Variants in MRC2 observed in about 807,000 individuals in gnomAD.
MRC2 encodes mannose receptor C-type 2, also known as C-type mannose receptor 2.
In MRC2, 84 loss-of-function variants were observed where a neutral mutation model predicts 206.2. The observed-to-expected ratio is 0.41, with a 90% CI of 0.34 to 0.49. MRC2 has a LOEUF of 0.49. Among genes scored for constraint, MRC2 ranks in the 20% least tolerant of loss-of-function variants. MRC2 has a pLI of 0.31. For missense variants in MRC2, 1,676 were observed against 2,001.5 expected, an observed-to-expected ratio of 0.84 and a Z score of 3.10; for synonymous variants, 798 against 800.0, an observed-to-expected ratio of 1.00 and a Z score of 0.04.
Position 62,690,299 on chromosome 17 carries a change from C to G in MRC2, c.3886C>G (p.Gln1296Glu), listed in dbSNP as rs556669260. 62 of 1,610,066 alleles carry G rather than the reference C, an allele frequency of 3.9e-5. No individual in the cohort carries two copies. Among genetic ancestry groups the G allele is most frequent in the Non-Finnish European group, 2.5e-5 (29 of 1,177,912 alleles). ...CCACAAGGAGGCGCGACAGCGCTGC[C>G]AGAGAGGTGGGTGACCAGGCCAGAG... ...LGHKEARQRCQRAGGAVLSIL... is the reference protein window; with the variant it reads ...LGHKEARQRCERAGGAVLSIL... Residue 1296 changes from glutamine to glutamate, a missense_variant, in exon 26 of 30, where the codon CAG (glutamine) becomes GAG (glutamate). Around this residue, in one of 3 missense-constraint regions of MRC2, gnomAD observed 1,354 missense variants for 1,636.6 expected, o/e 0.83. Transcript: ENST00000303375.
intron 18 of MRC2, 89 bp from the exon 19 acceptor site, chr17:62,681,747 GC>G: frequency 9.8e-7 from 1 of 1,019,602 alleles, no homozygotes; most frequent in Non-Finnish European, 1.5e-6. Flanking sequence ...GCCCTTCCCT[GC>G]CCCCATTCCT....
At chr17:62,628,763 A>C (rs769032084) in intron 1 of MRC2, among the ~76,000 whole-genome samples, 1 of 152,198 alleles carries the variant, frequency 6.6e-6, no homozygotes, top group Non-Finnish European at 1.5e-5. Context: ...GGGGACAGAC[A>C]GATCCCTCGC....
chr17:62,656,736 A>G (rs981945993), intron 1 of MRC2, among the ~76,000 whole-genome samples: 2 of 152,190 alleles, frequency 1.3e-5, no homozygotes, highest in Non-Finnish European at 2.9e-5. Context: ...CAGAAACCCA[A>G]TGCAGACAAG....
chr17:62,628,470 G>C (rs1373853911), intron 1 of MRC2, among the ~76,000 whole-genome samples: 2 of 152,116 alleles, frequency 1.3e-5, no homozygotes, highest in African/African-American at 4.8e-5. Flanking sequence ...CTTCAAGGAG[G>C]CTTGTGGCGC....
rs992112557 is a variant in MRC2 at position 62,664,254 on chromosome 17, C to T, written c.119-294C>T. ...GATTACAGGCGTGAGCCACCGCGCC[C>T]GGCCTGGGTTTGCTTTTGAGGGTGG... On this transcript the variant is annotated intron_variant, in intron 1 of 29. Coordinates refer to ENST00000303375, the MANE Select transcript of MRC2 (RefSeq NM_006039.5). The surrounding 1 kb of genome is among the most constrained non-coding windows in gnomAD (Gnocchi z 4.7). 1.3e-5 allele frequency among the ~76,000 whole-genome samples: 2 copies of T among 151,962 alleles called. No individual in the cohort carries two copies. Among genetic ancestry groups the T allele is most frequent in the African/African-American group, 2.4e-5 (1 of 41,264 alleles).
chr17:62,664,880 G>A lies in MRC2; in HGVS notation c.451G>A (p.Asp151Asn). Residue 151 changes from aspartate to asparagine, a missense_variant, in exon 2 of 30, where the codon GAC becomes AAC. By Grantham distance (23) the Asp-to-Asn change is conservative (BLOSUM62 1). This residue lies in a region of MRC2 where 318 missense variants were observed against 346.7 expected (regional missense o/e 0.92). Coordinates refer to ENST00000303375, the MANE Select transcript of MRC2 (RefSeq NM_006039.5). This position sits in a 1 kb window ranked among gnomAD's most constrained non-coding sequence, Gnocchi z 4.7. ...CAAGCCTGGCACCCTTGAGCGTGGT[G>A]ACCAGACCCGCAGTGGCCAGTGGCG... is the stretch of plus-strand genomic sequence containing the variant. ...ISKPGTLERG[D>N]QTRSGQWRIY... 1 of 1,613,606 alleles carries A rather than the reference G, an allele frequency of 6.2e-7. No homozygotes were observed. The highest frequency in any genetic ancestry group is 1.1e-5 in the South Asian group (1 of 91,080).
At chr17:62,660,225 G>C (rs909080058) in intron 1 of MRC2, among the ~76,000 whole-genome samples, 3 of 152,190 alleles carry the variant, frequency 2.0e-5, no homozygotes, top group African/African-American at 7.2e-5. Context: ...GCTTTTCCCT[G>C]AACACACTAC....
At chr17:62,648,565 C>G (rs987510341) in intron 1 of MRC2, among the ~76,000 whole-genome samples, 1 of 152,198 alleles carries the variant, frequency 6.6e-6, no homozygotes, top group African/African-American at 2.4e-5. Context: ...CCTGCCCTAG[C>G]CCTTCCAGAG....
At chr17:62,628,312 C>T (rs1201650793) in intron 1 of MRC2, among the ~76,000 whole-genome samples, 4 of 152,142 alleles carry the variant, frequency 2.6e-5, no homozygotes, top group Non-Finnish European at 5.9e-5. Context: ...GCTCTCTGTC[C>T]GGGAGTTCCC....
intron 1 of MRC2, among the ~76,000 whole-genome samples, chr17:62,637,990 A>G (rs1015236034): frequency 6.6e-6 from 1 of 152,012 alleles, no homozygotes; most frequent in Non-Finnish European, 1.5e-5. Context: ...TTAGCTTCCC[A>G]AGTAGCTGGA....
chr17:62,690,269 C>T lies in MRC2; in HGVS notation c.3856C>T (p.Leu1286=). ...CTATTCTTTCCACATGGAGCTGCTG[C>T]TGGGCCACAAGGAGGCGCGACAGCG... ...HCYSFHMELL[L]GHKEARQRCQ... Residue 1286 remains leucine, a synonymous_variant, in exon 26 of 30, where the codon CTG becomes TTG. Transcript: ENST00000303375. The T allele has an allele frequency of 1.2e-6, 2 of 1,612,880 alleles. No individual in the cohort carries two copies. The highest frequency in any genetic ancestry group is 1.7e-6 in the Non-Finnish European group (2 of 1,179,366).
chr17:62,652,043 G>T lies in MRC2; in HGVS notation c.119-12505G>T, dbSNP rs2088561974. 6.6e-6 allele frequency among the ~76,000 whole-genome samples: 1 copy of T among 152,114 alleles called. No homozygotes were observed. The highest frequency in any genetic ancestry group is 1.5e-5 in the Non-Finnish European group (1 of 68,034). On this transcript the variant is annotated intron_variant, in intron 1 of 29. Coordinates refer to ENST00000303375, the MANE Select transcript of MRC2 (RefSeq NM_006039.5). The surrounding 1 kb of genome is among the most constrained non-coding windows in gnomAD (Gnocchi z 4.6). ...ATTGTAAATTACAGAAAGGCCCAAAGATTTTCTTCATTTCTGCTGACTCTT... is the reference window on the plus strand; with the variant it reads ...ATTGTAAATTACAGAAAGGCCCAAATATTTTCTTCATTTCTGCTGACTCTT...
At position 62,664,183 on chromosome 17, in the gene MRC2, T is replaced by A. The variant is rs2147463173; in HGVS notation, c.119-365T>A. Among the ~76,000 whole-genome samples the A allele has an allele frequency of 6.6e-6, 1 of 151,876 alleles. No individual in the cohort carries two copies. Among genetic ancestry groups the A allele is most frequent in the East Asian group, 1.9e-4 (1 of 5,162 alleles). On this transcript the variant is annotated intron_variant, in intron 1 of 29. Coordinates refer to ENST00000303375, the MANE Select transcript of MRC2 (RefSeq NM_006039.5). The surrounding 1 kb of genome is among the most constrained non-coding windows in gnomAD (Gnocchi z 4.7). ...ACCGTTTTAGCCGGGATGGTCTCGA[T>A]CTCCTGACCTCGTGATCCGCCCGCC...
At position 62,689,766 on chromosome 17, in the gene MRC2, C is replaced by T. The variant is rs1203931088; in HGVS notation, c.3573+6C>T. On this transcript the variant is annotated splice_donor_region_variant and intron_variant, in intron 24 of 29. Coordinates refer to ENST00000303375, the MANE Select transcript of MRC2 (RefSeq NM_006039.5). Reference sequence around the variant, plus strand: ...TTGGGCTGGCTGGCGAGGAGGTGGGCTCCCGACACTTTTGCCCTGGGCCCC... The same window carrying T: ...TTGGGCTGGCTGGCGAGGAGGTGGGTTCCCGACACTTTTGCCCTGGGCCCC... The T allele has an allele frequency of 6.5e-7, 1 of 1,537,944 alleles. No homozygotes were observed. Among genetic ancestry groups the T allele is most frequent in the South Asian group, 1.2e-5 (1 of 82,112 alleles).
intron 1 of MRC2, among the ~76,000 whole-genome samples, chr17:62,637,546 AAAAAG>A (rs898675641): frequency 6.6e-6 from 1 of 151,560 alleles, no homozygotes; most frequent in Non-Finnish European, 1.5e-5. Context: ...AAAAAAAAAA[AAAAAG>A]AAAAGAAAAA....
intron 1 of MRC2, among the ~76,000 whole-genome samples, chr17:62,660,993 G>T (rs1014282863): frequency 1.3e-5 from 2 of 152,304 alleles, no homozygotes; most frequent in African/African-American, 4.8e-5. Context: ...AGTAACTGTG[G>T]TCACTTTACG....
intron 2 of MRC2, among the ~76,000 whole-genome samples, chr17:62,665,629 G>T (rs1320613617): frequency 6.6e-6 from 1 of 152,200 alleles, no homozygotes; most frequent in Non-Finnish European, 1.5e-5. Context: ...CTTGCATGTG[G>T]TGAATGGGGA....
Position 62,671,415 on chromosome 17 carries a change from C to T in MRC2, c.1118-234C>T, listed in dbSNP as rs1300463869. 6.6e-6 allele frequency among the ~76,000 whole-genome samples: 1 copy of T among 152,200 alleles called. No homozygotes were observed. Among genetic ancestry groups the T allele is most frequent in the Non-Finnish European group, 1.5e-5 (1 of 68,036 alleles). On this transcript the variant is annotated intron_variant, in intron 6 of 29. Transcript: ENST00000303375. The surrounding 1 kb of genome is among the most constrained non-coding windows in gnomAD (Gnocchi z 4.5). ...GCCACAGCCAGAGGAAGTGTTCTGT[C>T]CTGGGTGGAATCTGCCACCACGACT... is the stretch of plus-strand genomic sequence containing the variant.
intron 9 of MRC2, among the ~76,000 whole-genome samples, 155 bp downstream of exon 9, chr17:62,674,325 G>C (rs1170550814): frequency 2.6e-5 from 4 of 152,182 alleles, no homozygotes; most frequent in African/African-American, 9.7e-5. Context: ...TTTATTGAAG[G>C]AGTGATACTG....
Sources: allele counts gnomAD v4.1 joint callset (sites outside exome capture counted in the v4.1 genomes callset), GRCh38; gene constraint gnomAD v4.1.1; regional missense constraint gnomAD v4.1.1; non-coding constraint Gnocchi (gnomAD v3.1); transcripts MANE v1.5; gene names NCBI Gene and HGNC (gene_info 2026-07-23, HGNC 2026-07-21).